ITGA10: variants seen among roughly 807,000 people sequenced by gnomAD.
ITGA10 encodes integrin subunit alpha 10, also known as integrin alpha-10.
ITGA10 carries 105 observed loss-of-function variants against 145.2 expected under a neutral mutation model. The ratio of observed to expected loss-of-function variants is 0.72; its 90% CI spans 0.62 to 0.85. The LOEUF is 0.85. ITGA10 is among the 40% of genes least tolerant of loss of function. The pLI is 0.00. For synonymous variants in ITGA10, 506 were observed against 557.8 expected (o/e 0.91, Z 1.31); for missense variants, 1,317 against 1,444.5 (o/e 0.91, Z 1.43).
chr1:145,906,044 C>T (rs1657089280), intron 5 of ITGA10: 2 of 222,740 alleles, frequency 9.0e-6, no homozygotes, highest in Non-Finnish European at 1.8e-5. Flanking sequence ...GTCTTAGCCT[C>T]CCGAGTAGAT....
chr1:145,896,759 C>T lies in ITGA10; in HGVS notation c.2834+10G>A. ...TCAGAACTGGGTCCCACCCTAGAAG[C>T]TGGGCATACCTAGAGAACAGGAGGT... On this transcript the variant is annotated intron_variant, in intron 23 of 29. Coordinates refer to ENST00000369304, the MANE Select transcript of ITGA10 (RefSeq NM_003637.5). The T allele has an allele frequency of 3.7e-6, 6 of 1,606,632 alleles. No homozygotes were observed. Among genetic ancestry groups the T allele is most frequent in the Non-Finnish European group, 5.1e-6 (6 of 1,173,208 alleles).
chr1:145,901,288 G>C lies in ITGA10; in HGVS notation c.1444-10C>G, dbSNP rs781965685. On this transcript the variant is annotated splice_polypyrimidine_tract_variant and intron_variant, in intron 12 of 29. Coordinates refer to ENST00000369304, the MANE Select transcript of ITGA10 (RefSeq NM_003637.5). The surrounding 1 kb of genome is among the most constrained non-coding windows in gnomAD (Gnocchi z 4.3). ...CAAAGTATGAACCAATCTGGGGAAT[G>C]GTGGGTGATGATGACCCCAGAGAAA... is the stretch of plus-strand genomic sequence containing the variant. The C allele has an allele frequency of 1.2e-6, 2 of 1,613,724 alleles. No individual in the cohort carries two copies. Among genetic ancestry groups the C allele is most frequent in the East Asian group, 4.5e-5 (2 of 44,884 alleles).
chr1:145,900,584 T>C (rs1363064624), intron 14 of ITGA10, among the ~76,000 whole-genome samples: 1 of 152,082 alleles, frequency 6.6e-6, no homozygotes, highest in Non-Finnish European at 1.5e-5. Flanking sequence ...TTTATAATGC[T>C]CCCGTCAGTC....
At chr1:145,899,542 T>C (rs781895553) in intron 15 of ITGA10, among the ~76,000 whole-genome samples, 59 of 151,760 alleles carry the variant, frequency 3.9e-4, no homozygotes, top group African/African-American at 1.4e-3. Flanking sequence ...GGAGTTTCAC[T>C]CTGTGGCCCA....
rs782566235 is a variant in ITGA10 at position 145,902,659 on chromosome 1, G to T, written c.910-40C>A. The stretch of plus-strand genomic sequence containing the variant: ...GATCAAGGAATGAGGCATTAGAGTT[G>T]GTACAGAACACAGCCAACTAACATG... On this transcript the variant is annotated intron_variant, in intron 8 of 29. Coordinates refer to ENST00000369304, the MANE Select transcript of ITGA10 (RefSeq NM_003637.5). 7.7e-6 allele frequency: 12 copies of T among 1,561,084 alleles called. No individual in the cohort carries two copies. In the South Asian group the frequency reaches 1.4e-4, roughly 18 times the overall value.
At chr1:145,907,972 G>A (rs1005798459) in intron 1 of ITGA10, among the ~76,000 whole-genome samples, 34 of 151,588 alleles carry the variant, frequency 2.2e-4, no homozygotes, top group African/African-American at 8.0e-4. Context: ...GAGTTTCACC[G>A]TGTTAGCCAG....
Position 145,900,870 on chromosome 1 carries a change from C to T in ITGA10, c.1711G>A (p.Ala571Thr). The change falls in exon 14 of 30, where the codon GCG becomes ACG. Residue 571 changes from alanine (A) to threonine (T), a missense_variant. Coordinates refer to ENST00000369304, the MANE Select transcript of ITGA10 (RefSeq NM_003637.5). ...CCCTGGTGCCCATCTTCCAGAGGCG[C>T]CCCCACAGCCACATCAGCAAAACCA... ...QDGFADVAVG[A>T]PLEDGHQGAL... 6.2e-7 allele frequency: 1 copy of T among 1,614,050 alleles called. No individual in the cohort carries two copies. The highest frequency in any genetic ancestry group is 8.5e-7 in the Non-Finnish European group (1 of 1,180,024).
At chr1:145,899,388 T>C (rs781954413) in intron 15 of ITGA10, 47 bp from the exon 16 acceptor site, 2 of 1,589,248 alleles carry the variant, frequency 1.3e-6, no homozygotes. Context: ...AGGTAAGCCC[T>C]CTGAGAAGTG....
chr1:145,908,787 C>T (rs938298517), intron 1 of ITGA10, among the ~76,000 whole-genome samples: 20 of 152,168 alleles, frequency 1.3e-4, no homozygotes. Context: ...ATCCAGAAAA[C>T]TGGCAGGGCT....
In ITGA10 at chr1:145,907,039, A is replaced by G; in HGVS notation, c.274+2T>C. 6.5e-7 allele frequency: 1 copy of G among 1,536,886 alleles called. No homozygotes were observed. Among genetic ancestry groups the G allele is most frequent in the Non-Finnish European group, 8.8e-7 (1 of 1,134,522 alleles). ...GAGGAGAAGGGTCAGGCATCTTCTC[A>G]CCTAAGTGGCCCTTGGCACATGGGG... On this transcript the variant is annotated splice_donor_variant, in intron 3 of 29. Coordinates refer to ENST00000369304, the MANE Select transcript of ITGA10 (RefSeq NM_003637.5). LOFTEE classifies it high-confidence loss of function.
In ITGA10 at chr1:145,907,153, G is replaced by A. The variant is rs782680677; in HGVS notation, c.165-3C>T. The A allele has an allele frequency of 5.7e-5, 89 of 1,559,132 alleles. No individual in the cohort carries two copies. Among genetic ancestry groups the A allele is most frequent in the Non-Finnish European group, 1.7e-6 (2 of 1,150,744 alleles). ...CCCAGGGGGCGCCCACCAGCATCCT[G>A]GGAAGAGGATGTGAATGTAAGTAAG... On this transcript the variant is annotated splice_polypyrimidine_tract_variant and splice_region_variant and intron_variant, in intron 2 of 29. Coordinates refer to ENST00000369304, the MANE Select transcript of ITGA10 (RefSeq NM_003637.5).
chr1:145,907,026 C>T lies in ITGA10; in HGVS notation c.274+15G>A, dbSNP rs587774169. ...AGTCAGGGGTTAGGAGGAGAAGGGT[C>T]AGGCATCTTCTCACCTAAGTGGCCC... On this transcript the variant is annotated intron_variant, in intron 3 of 29. Transcript: ENST00000369304. 3.1e-5 allele frequency: 47 copies of T among 1,503,782 alleles called. No homozygotes were observed. The Admixed American group carries it at 9.6e-4, about 31-fold the overall frequency. 93.2% of individuals were successfully genotyped at this position (1,503,782 alleles called of 1,614,324 possible).
rs1553748727 is a variant in ITGA10, at chr1:145,901,789, G to A, written c.1294+88C>T. The stretch of plus-strand genomic sequence containing the variant: ...CAGAGGTCAGTGAGAAACCGCATGA[G>A]TTAAGAGGGAGTATTTCATACCCGC... On this transcript the variant is annotated intron_variant, in intron 11 of 29. Coordinates refer to ENST00000369304, the MANE Select transcript of ITGA10 (RefSeq NM_003637.5). This position sits in a 1 kb window ranked among gnomAD's most constrained non-coding sequence, Gnocchi z 4.3. The A allele has an allele frequency of 1.9e-6, 3 of 1,579,444 alleles. No homozygotes were observed. The African/African-American group carries it at 4.0e-5, about 21-fold the overall frequency.
Position 145,900,980 on chromosome 1 carries a change from G to C in ITGA10, c.1601C>G (p.Thr534Ser). Residue 534 changes from threonine (T) to serine (S), a missense_variant, in exon 14 of 30, where the codon ACC (threonine) becomes AGC (serine). Thr to Ser is a moderately conservative substitution (Grantham distance 58). Transcript: ENST00000369304. ...TTCTGGCTGAAGTGTTCCTTGGAGG[G>C]TCAGCAAGGACTGCTGGTGGAGGAG... Reference protein sequence around the residue: ...VYLVGQQSLLTLQGTLQPEPP... With the variant: ...VYLVGQQSLLSLQGTLQPEPP... 1 of 1,614,062 alleles carries C rather than the reference G, an allele frequency of 6.2e-7. No individual in the cohort carries two copies. Among genetic ancestry groups the C allele is most frequent in the Non-Finnish European group, 8.5e-7 (1 of 1,179,992 alleles).
At chr1:145,907,299 C>G (rs2101835578) in intron 2 of ITGA10, 55 bp downstream of exon 2, 1 of 1,613,626 alleles carries the variant, frequency 6.2e-7, no homozygotes, top group Non-Finnish European at 8.5e-7. Flanking sequence ...TCTTGCCTCC[C>G]CTTTGTTAGC....
At position 145,902,966 on chromosome 1, in the gene ITGA10, G is replaced by A; in HGVS notation, c.759-5C>T. The A allele has an allele frequency of 6.3e-7, 1 of 1,586,276 alleles. No homozygotes were observed. ...GACTGACTGAACCCTTCTGTGCTGA[G>A]AAGAGAAAGGAGTGAGGTGAGATCA... On this transcript the variant is annotated splice_polypyrimidine_tract_variant and splice_region_variant and intron_variant, in intron 7 of 29. Coordinates refer to ENST00000369304, the MANE Select transcript of ITGA10 (RefSeq NM_003637.5).
intron 26 of ITGA10, 60 bp downstream of exon 26, chr1:145,895,571 G>C (rs1655266896): frequency 3.9e-6 from 6 of 1,542,910 alleles, no homozygotes; most frequent in Non-Finnish European, 5.4e-6. Flanking sequence ...CTACCCTCTT[G>C]TCCCAAGTCA....
intron 19 of ITGA10, 49 bp downstream of exon 19, chr1:145,897,765 TC>T (rs1411456953): frequency 3.1e-6 from 5 of 1,609,734 alleles, no homozygotes; most frequent in Admixed American, 1.7e-5. Context: ...TCGAGTCCCT[TC>T]CAGTCTGTCT....
chr1:145,904,725 T>A lies in ITGA10; in HGVS notation c.568A>T (p.Arg190Ter), dbSNP rs1553750502. Reference protein sequence around the residue: ...PWSEVQTFLRRLVGKLFIDPE... With the variant: ...PWSEVQTFLR ...TCAATAAACAGTTTCCCTACCAGTC[T>A]TCGTAGGAAGGTCTGAACTTCAGAC... The change falls in exon 6 of 30, where the codon AGA becomes TGA. Residue 190 changes from arginine to a stop codon, truncating the protein, a stop_gained. Transcript: ENST00000369304. LOFTEE classifies it high-confidence loss of function. 3 of 1,613,844 alleles carry A rather than the reference T, an allele frequency of 1.9e-6. No individual in the cohort carries two copies.
Sources: allele counts gnomAD v4.1 joint callset (sites outside exome capture counted in the v4.1 genomes callset), GRCh38; gene constraint gnomAD v4.1.1; non-coding constraint Gnocchi (gnomAD v3.1); transcripts MANE v1.5; gene names NCBI Gene and HGNC (gene_info 2026-07-23, HGNC 2026-07-21).